Variants in CCBE1 observed in about 807,000 individuals in gnomAD.
CCBE1 encodes collagen and calcium binding EGF domains 1, also known as collagen and calcium-binding EGF domain-containing protein 1.
A neutral mutation model predicts 50.0 loss-of-function variants in CCBE1; 37 were observed. The ratio of observed to expected loss-of-function variants is 0.74; its 90% CI spans 0.57 to 0.97. The LOEUF is 0.97. Among genes scored for constraint, CCBE1 ranks in the 50% least tolerant of loss-of-function variants. The probability of loss-of-function intolerance (pLI) is 0.00; values close to 1 mark genes in which losing one functional copy is unlikely to be tolerated. For synonymous variants in CCBE1, 234 were observed against 203.7 expected (o/e 1.15, Z -1.27); for missense variants, 538 against 523.8 (o/e 1.03, Z -0.26).
intron 5 of CCBE1, chr18:59,464,962 C>T (rs994748168): frequency 1.5e-4 from 23 of 152,562 alleles, no homozygotes; most frequent in Admixed American, 1.4e-3. Context: ...CTTCCCTTCC[C>T]GAGGTAAGTA....
rs957553618 is a variant in CCBE1 at position 59,508,661 on chromosome 18, A to T, written c.213-28423T>A. ...CCATAATGTTCTTGTAAAAGCATGA[A>T]GAGATAACTTATGTAAAATGGTTTA... On this transcript the variant is annotated intron_variant, in intron 2 of 10. Transcript: ENST00000439986. 5.9e-5 allele frequency among the ~76,000 whole-genome samples: 9 copies of T among 151,840 alleles called. No homozygotes were observed. In the East Asian group the frequency reaches 1.7e-3, roughly 29 times the overall value.
intron 2 of CCBE1, among the ~76,000 whole-genome samples, chr18:59,690,813 C>T (rs983174157): frequency 1.3e-5 from 2 of 152,240 alleles, no homozygotes; most frequent in African/African-American, 4.8e-5. Context: ...CGGGGGACCC[C>T]CTTTAAAACC....
chr18:59,557,346 T>C (rs1391060233), intron 2 of CCBE1, among the ~76,000 whole-genome samples: 1 of 152,048 alleles, frequency 6.6e-6, no homozygotes, highest in African/African-American at 2.4e-5. Context: ...TGCATGAGCA[T>C]CCCTCATCAC....
intron 2 of CCBE1, among the ~76,000 whole-genome samples, chr18:59,544,790 A>G (rs1249755657): frequency 3.9e-5 from 6 of 152,206 alleles, no homozygotes. Context: ...CTCTTTTTCC[A>G]TTATACCTTT....
chr18:59,493,700 C>T (rs929016985), intron 2 of CCBE1, among the ~76,000 whole-genome samples: 1 of 152,124 alleles, frequency 6.6e-6, no homozygotes, highest in Non-Finnish European at 1.5e-5. Flanking sequence ...GTAAGATTTA[C>T]ATTTGGTAAA....
rs532530479 is a variant in CCBE1, at chr18:59,642,119, A to C, written c.212+54510T>G. Among the ~76,000 whole-genome samples the C allele has an allele frequency of 6.6e-5, 10 of 152,352 alleles. No homozygotes were observed. The East Asian group carries it at 1.9e-3, about 29-fold the overall frequency. ...AACTTTCTGCAGCACATAACCTGAC[A>C]AAGTATTAGTATTAAAATCTGTAAA... On this transcript the variant is annotated intron_variant, in intron 2 of 10. Coordinates refer to ENST00000439986, the MANE Select transcript of CCBE1 (RefSeq NM_133459.4).
chr18:59,476,609 G>A (rs1912317667), intron 3 of CCBE1, among the ~76,000 whole-genome samples: 1 of 152,220 alleles, frequency 6.6e-6, no homozygotes, highest in Non-Finnish European at 1.5e-5. Flanking sequence ...TTCATTTACA[G>A]AATCAGAGTT....
At chr18:59,586,521 C>A (rs2053180082) in intron 2 of CCBE1, among the ~76,000 whole-genome samples, 1 of 152,150 alleles carries the variant, frequency 6.6e-6, no homozygotes, top group South Asian at 2.1e-4. Context: ...GAGCTAGGAC[C>A]AGACCAATGT....
intron 2 of CCBE1, among the ~76,000 whole-genome samples, chr18:59,569,824 T>G (rs2052884674): frequency 6.6e-6 from 1 of 152,098 alleles, no homozygotes; most frequent in South Asian, 2.1e-4. Context: ...AGAGATGGAG[T>G]CTTGCTCTGT....
At chr18:59,590,720 T>C (rs1179166464) in intron 2 of CCBE1, among the ~76,000 whole-genome samples, 1 of 152,162 alleles carries the variant, frequency 6.6e-6, no homozygotes. Flanking sequence ...CCTGACTACT[T>C]TGGAAATTTT....
At chr18:59,467,031 G>A in intron 4 of CCBE1, 140 bp from the exon 5 acceptor site, 2 of 736,146 alleles carry the variant, frequency 2.7e-6, no homozygotes, top group East Asian at 5.3e-5. Flanking sequence ...CTGGAATAAA[G>A]TAGGGAGCTA....
At chr18:59,658,710 T>C (rs1352495352) in intron 2 of CCBE1, among the ~76,000 whole-genome samples, 2 of 151,156 alleles carry the variant, frequency 1.3e-5, no homozygotes, top group Admixed American at 1.3e-4. Flanking sequence ...TAAAACCCTG[T>C]CTCTACTGAA....
chr18:59,604,916 A>G (rs750477852), intron 2 of CCBE1, among the ~76,000 whole-genome samples: 47 of 152,240 alleles, frequency 3.1e-4, no homozygotes, highest in Non-Finnish European at 5.9e-4. Context: ...CAAGATGCCC[A>G]TCTTATCCAG....
chr18:59,461,729 C>CTTTTTTTTTTT, intron 5 of CCBE1, among the ~76,000 whole-genome samples: 1 of 109,336 alleles, frequency 9.1e-6, no homozygotes, highest in African/African-American at 3.7e-5. Flanking sequence ...CAGGTGTAAT[C>CTTTTTTTTTTT]TTTTTTTTTT....
At chr18:59,612,318 GAAGAAAAAA>G (rs1474456932) in intron 2 of CCBE1, among the ~76,000 whole-genome samples, 201 of 123,066 alleles carry the variant, frequency 1.6e-3, no homozygotes, top group Non-Finnish European at 2.9e-3. Context: ...AAAAAAAAGG[GAAGAAAAAA>G]AAGAAAAAAA....
chr18:59,463,559 A>C (rs2143707989), intron 5 of CCBE1, among the ~76,000 whole-genome samples: 1 of 152,306 alleles, frequency 6.6e-6, no homozygotes, highest in Non-Finnish European at 1.5e-5. Context: ...TAAACTCAGC[A>C]TTTAAAATCT....
At chr18:59,467,911 T>C (rs1013358916) in intron 4 of CCBE1, among the ~76,000 whole-genome samples, 8 of 152,210 alleles carry the variant, frequency 5.3e-5, no homozygotes, top group African/African-American at 1.9e-4. Context: ...AGACCGGATG[T>C]TGCAGCTGCA....
At chr18:59,461,440 GCTTCCCTCTACC>G (rs1911470023) in intron 5 of CCBE1, among the ~76,000 whole-genome samples, 1 of 151,628 alleles carries the variant, frequency 6.6e-6, no homozygotes, top group African/African-American at 2.4e-5. Context: ...TGTATGAATT[GCTTCCCTCTACC>G]CTTCTCTCTA....
intron 2 of CCBE1, among the ~76,000 whole-genome samples, chr18:59,628,074 TG>T (rs1049086980): frequency 4.0e-5 from 6 of 151,460 alleles, no homozygotes; most frequent in East Asian, 2.0e-4. Flanking sequence ...ATTATCCGAG[TG>T]TGGTGGTGCA....
Sources: gnomAD v4.1 joint callset for allele counts (sites outside exome capture counted in the v4.1 genomes callset) on GRCh38, gnomAD v4.1.1 for gene constraint, MANE v1.5 for transcripts, NCBI Gene and HGNC (gene_info 2026-07-23, HGNC 2026-07-21) for gene names.